The following SGO2 variants were observed in gnomAD, a reference collection of about 807,000 sequenced individuals.
SGO2 encodes the protein shugoshin-like 2.
SGO2 carries 68 observed loss-of-function variants against 99.5 expected under a neutral mutation model. The observed-to-expected ratio is 0.68, with a 90% CI of 0.56 to 0.84. The LOEUF is 0.84. SGO2 is among the 40% of genes least tolerant of loss of function. SGO2 has a pLI of 0.00. For synonymous variants in SGO2, 457 were observed against 487.1 expected (o/e 0.94, Z 0.81); for missense variants, 1,350 against 1,436.7 (o/e 0.94, Z 0.97).
chr2:200,561,745 G>A (rs1340053534), intron 5 of SGO2, among the ~76,000 whole-genome samples: 3 of 151,904 alleles, frequency 2.0e-5, no homozygotes, highest in African/African-American at 4.8e-5. Context: ...TTTAATGATC[G>A]CCATTCTAAC....
chr2:200,583,197 A>G (rs2033895636), intron 8 of SGO2, among the ~76,000 whole-genome samples: 1 of 152,216 alleles, frequency 6.6e-6, no homozygotes, highest in African/African-American at 2.4e-5. Flanking sequence ...GAACTATGTA[A>G]TAAACATGTA....
In SGO2 at chr2:200,533,073, T is replaced by C; in HGVS notation, c.98T>C (p.Val33Ala). Reference sequence around the variant, plus strand: ...ATTTCAAAGACTACTAAGTTGAATGTTTCTCTTGCTTCAAAAATAAAAACA... The same window carrying C: ...ATTTCAAAGACTACTAAGTTGAATGCTTCTCTTGCTTCAAAAATAAAAACA... ...KRISKTTKLN[V>A]SLASKIKTKI... Residue 33 changes from valine (V) to alanine (A), a missense_variant, in exon 2 of 9, where the codon GTT becomes GCT. Physicochemically the swap from Val to Ala is moderately conservative, Grantham distance 64. Transcript: ENST00000357799. 1.3e-6 allele frequency: 2 copies of C among 1,587,880 alleles called. No homozygotes were observed. The highest frequency in any genetic ancestry group is 1.7e-6 in the Non-Finnish European group (2 of 1,172,260).
chr2:200,569,837 A>T lies in SGO2; in HGVS notation c.648A>T (p.Val216=). ...TTCTTAAAGAAAATAATCAAAATGT[A>T]TATGGTTTAGATGATTCAGAACATA... ...VLFLKENNQN[V]YGLDDSEHIS... is the part of the protein sequence containing the mutation. Residue 216 remains valine (V), a synonymous_variant, in exon 6 of 9, where the codon GTA becomes GTT. Coordinates refer to ENST00000357799, the MANE Select transcript of SGO2 (RefSeq NM_152524.6). 2 of 1,605,412 alleles carry T rather than the reference A, an allele frequency of 1.2e-6. No individual in the cohort carries two copies. The highest frequency in any genetic ancestry group is 1.7e-6 in the Non-Finnish European group (2 of 1,172,280).
At chr2:200,530,448 T>G (rs1162511366) in intron 1 of SGO2, among the ~76,000 whole-genome samples, 1 of 152,164 alleles carries the variant, frequency 6.6e-6, no homozygotes, top group East Asian at 1.9e-4. Context: ...AAAGTGGAAT[T>G]GTGGAGTAGA....
intron 5 of SGO2, among the ~76,000 whole-genome samples, chr2:200,559,791 G>A (rs1051215488): frequency 1.3e-5 from 2 of 151,966 alleles, no homozygotes; most frequent in Non-Finnish European, 2.9e-5. Flanking sequence ...TTTTTTATTT[G>A]ACCCTGTGGA....
intron 4 of SGO2, among the ~76,000 whole-genome samples, chr2:200,538,593 C>T (rs2031811900): frequency 6.6e-6 from 1 of 152,150 alleles, no homozygotes; most frequent in Non-Finnish European, 1.5e-5. Context: ...ACATCTAGAA[C>T]ATAGTAGGAT....
intron 5 of SGO2, among the ~76,000 whole-genome samples, chr2:200,549,632 A>G (rs1200298140): frequency 6.6e-6 from 1 of 152,220 alleles, no homozygotes; most frequent in East Asian, 1.9e-4. Flanking sequence ...TCACCACATT[A>G]AAAGAAACAA....
intron 5 of SGO2, among the ~76,000 whole-genome samples, chr2:200,550,120 GA>G (rs1297299824): frequency 6.6e-6 from 1 of 152,022 alleles, no homozygotes; most frequent in East Asian, 1.9e-4. Flanking sequence ...CAAAAAATAT[GA>G]AATACCTAGG....
chr2:200,560,535 CATT>C (rs1477764171), intron 5 of SGO2, among the ~76,000 whole-genome samples: 1 of 151,886 alleles, frequency 6.6e-6, no homozygotes, highest in Non-Finnish European at 1.5e-5. Context: ...TAGAGAGAAT[CATT>C]ATTTTTTTCT....
At chr2:200,548,431 A>G (rs1281325733) in intron 5 of SGO2, among the ~76,000 whole-genome samples, 1 of 152,170 alleles carries the variant, frequency 6.6e-6, no homozygotes, top group Non-Finnish European at 1.5e-5. Flanking sequence ...AAAGGGAAAT[A>G]CAACATAGCA....
chr2:200,555,341 T>A, intron 5 of SGO2, among the ~76,000 whole-genome samples: 1 of 152,110 alleles, frequency 6.6e-6, no homozygotes, highest in South Asian at 2.1e-4. Flanking sequence ...GATTTTTCAT[T>A]TGCTAGTTTT....
At chr2:200,582,055 A>G (rs979085173) in intron 8 of SGO2, among the ~76,000 whole-genome samples, 2 of 150,336 alleles carry the variant, frequency 1.3e-5, no homozygotes, top group Non-Finnish European at 2.9e-5. Context: ...CATGCATGTA[A>G]AATATAACTA....
At chr2:200,533,807 C>G (rs1474159103) in intron 2 of SGO2, among the ~76,000 whole-genome samples, 1 of 152,126 alleles carries the variant, frequency 6.6e-6, no homozygotes, top group Non-Finnish European at 1.5e-5. Context: ...CCTTCTAAAA[C>G]AACCCAGCCT....
At chr2:200,541,646 T>C (rs1195748244) in intron 4 of SGO2, among the ~76,000 whole-genome samples, 1 of 152,194 alleles carries the variant, frequency 6.6e-6, no homozygotes, top group Non-Finnish European at 1.5e-5. Flanking sequence ...AAAAAGAATA[T>C]GAAACAGGAT....
chr2:200,538,968 A>G (rs564242827), intron 4 of SGO2, among the ~76,000 whole-genome samples: 18 of 152,268 alleles, frequency 1.2e-4, no homozygotes, highest in African/African-American at 4.1e-4. Context: ...GGAAAAAAAC[A>G]TAAGACCATA....
At position 200,571,036 on chromosome 2, in the gene SGO2, C is replaced by T. The variant is rs1172443047; in HGVS notation, c.704-14C>T. On this transcript the variant is annotated splice_polypyrimidine_tract_variant and intron_variant, in intron 6 of 8. Transcript: ENST00000357799. ...ATTACTTGTTTCTGAGTTTTGTTTT[C>T]CTTTTCTTAATAGAAAGCCATTCCC... The T allele has an allele frequency of 1.3e-6, 2 of 1,529,188 alleles. No individual in the cohort carries two copies. Among genetic ancestry groups the T allele is most frequent in the Non-Finnish European group, 8.8e-7 (1 of 1,140,932 alleles). The allele number at this position is 1,529,188 out of a possible 1,614,324, so 94.7% of individuals were successfully genotyped here. A position where few individuals can be genotyped will look rare whatever the true frequency, so the allele number is the denominator to read the frequency against.
chr2:200,558,630 T>C (rs1211512312), intron 5 of SGO2, among the ~76,000 whole-genome samples: 1 of 152,104 alleles, frequency 6.6e-6, no homozygotes, highest in Non-Finnish European at 1.5e-5. Context: ...TTTCTTGTAA[T>C]AGATTTTGTC....
intron 1 of SGO2, among the ~76,000 whole-genome samples, chr2:200,527,931 A>G (rs569367364): frequency 5.3e-5 from 8 of 152,344 alleles, no homozygotes; most frequent in African/African-American, 1.9e-4. Context: ...AGGCTCACTA[A>G]GAAAGTGACA....
At chr2:200,565,217 G>A (rs1340514929) in intron 5 of SGO2, among the ~76,000 whole-genome samples, 1 of 152,124 alleles carries the variant, frequency 6.6e-6, no homozygotes, top group African/African-American at 2.4e-5. Context: ...TCCTTTCAAT[G>A]TTTAGCGCTT....
Sources: gnomAD v4.1 joint callset for allele counts (sites outside exome capture counted in the v4.1 genomes callset) on GRCh38, gnomAD v4.1.1 for gene constraint, MANE v1.5 for transcripts, NCBI Gene and HGNC (gene_info 2026-07-23, HGNC 2026-07-21) for gene names.